CSF1: variants seen among roughly 807,000 people sequenced by gnomAD.
CSF1 encodes the protein colony stimulating factor 1.
A neutral mutation model predicts 48.9 loss-of-function variants in CSF1; 9 were observed. The observed-to-expected ratio is 0.18, with a 90% CI of 0.11 to 0.32. CSF1 has a LOEUF of 0.32. Among genes scored for constraint, CSF1 ranks in the 10% least tolerant of loss-of-function variants. CSF1 has a pLI of 1.00. For missense variants in CSF1, 672 were observed against 697.9 expected (o/e 0.96, Z 0.42); for synonymous variants, 305 against 284.1 (o/e 1.07, Z -0.74).
chr1:109,924,948 TG>T, intron 7 of CSF1, 120 bp downstream of exon 7: 1 of 1,111,762 alleles, frequency 9.0e-7, no homozygotes, highest in East Asian at 2.5e-5. Context: ...CAGAACAGGA[TG>T]GGGGAGAGAA....
Position 109,923,583 on chromosome 1 carries a change from C to G in CSF1, c.962C>G (p.Thr321Arg). Residue 321 changes from threonine to arginine, a missense_variant, in exon 6 of 9, where the codon ACA (threonine) becomes AGA (arginine). By Grantham distance (71) the Thr-to-Arg change is moderately conservative. Coordinates refer to ENST00000329608, the MANE Select transcript of CSF1 (RefSeq NM_000757.6). ...EASEIPVPQG[T>R]ELSPSRPGGG... ...AGTGAGATTCCCGTACCCCAAGGGACAGAGCTTTCCCCCTCCAGGCCAGGA... is the reference window on the plus strand; with the variant it reads ...AGTGAGATTCCCGTACCCCAAGGGAGAGAGCTTTCCCCCTCCAGGCCAGGA... 1 of 1,614,162 alleles carries G rather than the reference C, an allele frequency of 6.2e-7. No individual in the cohort carries two copies. The highest frequency in any genetic ancestry group is 8.5e-7 in the Non-Finnish European group (1 of 1,180,020).
chr1:109,921,298 C>T (rs1251874346), intron 4 of CSF1, among the ~76,000 whole-genome samples: 1 of 152,218 alleles, frequency 6.6e-6, no homozygotes, highest in East Asian at 1.9e-4. Flanking sequence ...GCAGCCACAC[C>T]AGCCTTCTTT....
chr1:109,913,302 G>A (rs946469458), intron 1 of CSF1, among the ~76,000 whole-genome samples: 1 of 152,246 alleles, frequency 6.6e-6, no homozygotes, highest in Admixed American at 6.5e-5. Flanking sequence ...CCGCCAGGAG[G>A]CTTGGGAGCT....
chr1:109,916,332 G>A (rs540065862), intron 3 of CSF1, among the ~76,000 whole-genome samples: 1 of 152,202 alleles, frequency 6.6e-6, no homozygotes, highest in African/African-American at 2.4e-5. Context: ...CTTACCACTG[G>A]GGGAAATTTT....
chr1:109,924,724 GC>G (rs1277102360), intron 6 of CSF1, 51 bp from the exon 7 acceptor site: 12 of 1,517,196 alleles, frequency 7.9e-6, no homozygotes, highest in African/African-American at 2.8e-5. Context: ...ATGGGCCACC[GC>G]CCCCCCACAC....
At chr1:109,916,943 T>C (rs763874038) in intron 3 of CSF1, among the ~76,000 whole-genome samples, 6 of 152,036 alleles carry the variant, frequency 3.9e-5, no homozygotes, top group Admixed American at 1.3e-4. Context: ...TAAAAGATAT[T>C]TGTGAAAGCA....
Position 109,924,792 on chromosome 1 carries a change from A to G in CSF1, c.1586A>G (p.Gln529Arg). 1 of 1,599,610 alleles carries G rather than the reference A, an allele frequency of 6.3e-7. No homozygotes were observed. The change falls in exon 7 of 9, where the codon CAG becomes CGG. Residue 529 changes from glutamine to arginine, a missense_variant. Around this residue, in one of 3 missense-constraint regions of CSF1, gnomAD observed 591 missense variants for 593.6 expected, o/e 1.00. Coordinates refer to ENST00000329608, the MANE Select transcript of CSF1 (RefSeq NM_000757.6). ...TGTCCTCAGAGCCATCAAGAGCCTC[A>G]GAGAGCGGATTCTCCCTTGGAGCAA... The part of the protein sequence containing the change: ...RWRRRSHQEP[Q>R]RADSPLEQPE...
In CSF1 at chr1:109,925,149, C is replaced by G. The variant is rs775707236; in HGVS notation, c.1625C>G (p.Pro542Arg). The G allele has an allele frequency of 6.2e-7, 1 of 1,613,692 alleles. No homozygotes were observed. The highest frequency in any genetic ancestry group is 1.3e-5 in the African/African-American group (1 of 74,860). The change falls in exon 8 of 9, where the codon CCC becomes CGC. Residue 542 changes from proline to arginine, a missense_variant and splice_region_variant. Coordinates refer to ENST00000329608, the MANE Select transcript of CSF1 (RefSeq NM_000757.6). The stretch of plus-strand genomic sequence containing the variant: ...CCAGCCCTGTGCTCTGCCTGCAGCC[C>G]CCTGACTCAGGATGACAGACAGGTG... ...DSPLEQPEGS[P>R]LTQDDRQVEL...
At position 109,929,885 on chromosome 1, in the gene CSF1, G is replaced by C. The variant is rs898908737; in HGVS notation, c.*1047G>C. 1.3e-5 allele frequency: 2 copies of C among 152,540 alleles called. No homozygotes were observed. The highest frequency in any genetic ancestry group is 3.9e-4 in the East Asian group (2 of 5,166). 9.4% of individuals were successfully genotyped at this position (152,540 alleles called of 1,614,324 possible). A position where few individuals can be genotyped will look rare whatever the true frequency, so the allele number is the denominator to read the frequency against. ...AGCCGGTCTTTAGGCTGTGTTGTTCGCCCAGGTTTCTGCATCTTGCACTTT... is the reference window on the plus strand; with the variant it reads ...AGCCGGTCTTTAGGCTGTGTTGTTCCCCCAGGTTTCTGCATCTTGCACTTT... On this transcript the variant is annotated 3_prime_UTR_variant, in exon 9 of 9. Transcript: ENST00000329608.
chr1:109,919,685 C>T (rs1470038338), intron 4 of CSF1, among the ~76,000 whole-genome samples: 1 of 152,036 alleles, frequency 6.6e-6, no homozygotes, highest in Non-Finnish European at 1.5e-5. Context: ...CAGGGCCGGG[C>T]GCGGTGGTTC....
intron 1 of CSF1, among the ~76,000 whole-genome samples, chr1:109,914,049 C>T (rs1354450494): frequency 1.3e-5 from 2 of 152,188 alleles, no homozygotes; most frequent in Non-Finnish European, 2.9e-5. Flanking sequence ...TAGAAGGTGA[C>T]ATCTGGGTTG....
chr1:109,916,451 C>G (rs1045358365), intron 3 of CSF1, among the ~76,000 whole-genome samples: 11 of 152,178 alleles, frequency 7.2e-5, no homozygotes, highest in African/African-American at 2.7e-4. Context: ...CAGGTCTAGC[C>G]ATTCTCCACC....
intron 7 of CSF1, 67 bp downstream of exon 7, chr1:109,924,895 G>A (rs1301667582): frequency 1.2e-5 from 17 of 1,472,642 alleles, no homozygotes; most frequent in African/African-American, 8.4e-5. Context: ...TCCCCTCTTC[G>A]TGGTGGTGGG....
intron 4 of CSF1, among the ~76,000 whole-genome samples, chr1:109,920,275 G>C (rs921962865): frequency 6.6e-6 from 1 of 151,996 alleles, no homozygotes; most frequent in African/African-American, 2.4e-5. Flanking sequence ...CTAGGTGGCA[G>C]TGACCAAGTA....
chr1:109,924,337 G>A (rs1647738049), intron 6 of CSF1, 147 bp downstream of exon 6: 4 of 693,548 alleles, frequency 5.8e-6, no homozygotes, highest in Middle Eastern at 4.0e-4. Context: ...GAGGATGAGA[G>A]GTGGAAATGG....
At chr1:109,913,048 C>A (rs1236912178) in intron 1 of CSF1, among the ~76,000 whole-genome samples, 2 of 152,246 alleles carry the variant, frequency 1.3e-5, no homozygotes, top group East Asian at 3.8e-4. Context: ...TGCAGTCTCC[C>A]TGGTCACCCA....
chr1:109,911,003 G>A lies in CSF1; in HGVS notation c.-21G>A, dbSNP rs754329407. The A allele has an allele frequency of 2.3e-5, 27 of 1,167,906 alleles. No homozygotes were observed. In the African/African-American group the frequency reaches 4.4e-4, roughly 19 times the overall value. 72.3% of individuals were successfully genotyped at this position (1,167,906 alleles called of 1,614,324 possible). ...GCGAGCGAGGGCGGCCGACGCGCCCGGCCGGGACCCAGCTGCCCGTATGAC... is the reference window on the plus strand; with the variant it reads ...GCGAGCGAGGGCGGCCGACGCGCCCAGCCGGGACCCAGCTGCCCGTATGAC... On this transcript the variant is annotated 5_prime_UTR_variant, in exon 1 of 9. Coordinates refer to ENST00000329608, the MANE Select transcript of CSF1 (RefSeq NM_000757.6).
At position 109,914,395 on chromosome 1, in the gene CSF1, C is replaced by A; in HGVS notation, c.162+14C>A. On this transcript the variant is annotated intron_variant, in intron 2 of 8. Transcript: ENST00000329608. The stretch of plus-strand genomic sequence containing the variant: ...CTGCAGCGGCTGGTGAGTGTGTGGC[C>A]ATGCTGTATTCTACCTTCTCCCCAC... The A allele has an allele frequency of 6.3e-7, 1 of 1,582,476 alleles. No homozygotes were observed. Among genetic ancestry groups the A allele is most frequent in the South Asian group, 1.2e-5 (1 of 84,454 alleles).
At chr1:109,914,425 G>A (rs761502336) in intron 2 of CSF1, 44 bp downstream of exon 2, 8 of 1,530,748 alleles carry the variant, frequency 5.2e-6, no homozygotes, top group Non-Finnish European at 6.2e-6. Context: ...CCCCACTGGG[G>A]AAATGAAGGC....
Sources: gnomAD v4.1 joint callset for allele counts (sites outside exome capture counted in the v4.1 genomes callset) on GRCh38, gnomAD v4.1.1 for gene constraint, gnomAD v4.1.1 regional missense constraint, MANE v1.5 for transcripts, NCBI Gene and HGNC (gene_info 2026-07-23, HGNC 2026-07-21) for gene names.